The following GIN1 variants were observed in gnomAD, a reference collection of about 807,000 sequenced individuals.
GIN1 encodes the protein gypsy retrotransposon integrase 1, also known as gypsy retrotransposon integrase-like protein 1.
Under a neutral mutation model 51.4 loss-of-function variants are expected in GIN1, and 41 were observed. That is an observed-to-expected ratio of 0.80 (90% CI 0.62 to 1.04). The LOEUF (loss-of-function observed/expected upper bound fraction) is 1.04. Ranked by LOEUF, GIN1 falls within the 50% of genes least tolerant of loss-of-function variation. The pLI is 0.00. For missense variants in GIN1, 610 were observed against 612.4 expected (o/e 1.00, Z 0.04); for synonymous variants, 222 against 206.5 (o/e 1.07, Z -0.64).
In GIN1 at chr5:103,088,009, T is replaced by C. The variant is rs782079136; in HGVS notation, c.1458A>G (p.Leu486=). 2 of 1,604,706 alleles carry C rather than the reference T, an allele frequency of 1.2e-6. No individual in the cohort carries two copies. Among genetic ancestry groups the C allele is most frequent in the Admixed American group, 1.7e-5 (1 of 60,002 alleles). The change falls in exon 8 of 8, where the codon TTA becomes TTG. Residue 486 remains leucine (L), a synonymous_variant. Coordinates refer to ENST00000399004, the MANE Select transcript of GIN1 (RefSeq NM_017676.2). The part of the protein sequence containing the change: ...LLTSSKDREL[L]EYRNTKISPL... ...GAGAGATTTTCGTATTTCTATATTC[T>C]AATAGTTCACGATCCTTGCTTGATG...
At chr5:103,119,458 C>T (rs1554198092) in intron 1 of GIN1, among the ~76,000 whole-genome samples, 1 of 152,180 alleles carries the variant, frequency 6.6e-6, no homozygotes, top group East Asian at 1.9e-4. Flanking sequence ...TATGCATTCA[C>T]ATGAAGCCAC....
intron 4 of GIN1, among the ~76,000 whole-genome samples, chr5:103,101,757 T>G (rs1448038236): frequency 6.6e-6 from 1 of 152,240 alleles, no homozygotes; most frequent in Non-Finnish European, 1.5e-5. Flanking sequence ...ACATAGCATG[T>G]GTGACATACA....
At chr5:103,115,928 T>C (rs1554197340) in intron 1 of GIN1, among the ~76,000 whole-genome samples, 1 of 152,108 alleles carries the variant, frequency 6.6e-6, no homozygotes, top group Non-Finnish European at 1.5e-5. Context: ...ATAGTGAATA[T>C]AACCATGGAA....
intron 7 of GIN1, among the ~76,000 whole-genome samples, chr5:103,092,921 G>T (rs1174102183): frequency 7.5e-6 from 1 of 132,470 alleles, no homozygotes; most frequent in Non-Finnish European, 1.5e-5. Context: ...ACTCCAGCAC[G>T]GGCAACCATG....
rs147753436 is a variant in GIN1 at position 103,110,340 on chromosome 5, T to C, written c.-7-1626A>G. 4.9e-3 allele frequency among the ~76,000 whole-genome samples: 746 copies of C among 152,148 alleles called. 6 individuals carry two copies. The highest frequency in any genetic ancestry group is 0.018 in the African/African-American group (729 of 41,536). On this transcript the variant is annotated intron_variant, in intron 1 of 7. Coordinates refer to ENST00000399004, the MANE Select transcript of GIN1 (RefSeq NM_017676.2). ...TGGGAGAAGATATCTGTAATACATA[T>C]ATCTAACAAAGGACTCAGACCCAGT...
rs116200508 is a variant in GIN1, at chr5:103,093,866, C to A, written c.1294+2675G>T. Among the ~76,000 whole-genome samples, 1,447 of 152,232 alleles carry A rather than the reference C, an allele frequency of 9.5e-3. 9 individuals carry two copies. Among genetic ancestry groups the A allele is most frequent in the Non-Finnish European group, 0.015 (1,027 of 68,018 alleles). On this transcript the variant is annotated intron_variant, in intron 7 of 7. Coordinates refer to ENST00000399004, the MANE Select transcript of GIN1 (RefSeq NM_017676.2). The stretch of plus-strand genomic sequence containing the variant: ...TGAACTAGACAAAAAAACAAACAGG[C>A]CTGCTTAAAATAGCAATGAAAAATA...
At chr5:103,109,355 A>T (rs1377383090) in intron 1 of GIN1, among the ~76,000 whole-genome samples, 3 of 152,064 alleles carry the variant, frequency 2.0e-5, no homozygotes, top group African/African-American at 7.2e-5. Flanking sequence ...AATTACATTT[A>T]AAAAAAGATG....
chr5:103,116,514 TACA>T (rs1554197389), intron 1 of GIN1, among the ~76,000 whole-genome samples: 1 of 152,062 alleles, frequency 6.6e-6, no homozygotes, highest in Non-Finnish European at 1.5e-5. Flanking sequence ...CTTAAAACTA[TACA>T]ACTTCTCGAA....
chr5:103,100,204 G>C (rs782815415), intron 4 of GIN1, among the ~76,000 whole-genome samples: 4 of 150,488 alleles, frequency 2.7e-5, no homozygotes, highest in Admixed American at 2.6e-4. Context: ...GGGCTCAAGC[G>C]ATCTTCCCAT....
rs186181946 is a variant in GIN1, at chr5:103,097,212, T to C, written c.1008+102A>G. On this transcript the variant is annotated intron_variant, in intron 6 of 7. Transcript: ENST00000399004. ...GATAAAAAATTATGGCAAGTAAGTA[T>C]GTGTGTGTGTGTGCATGCACACATG... The C allele has an allele frequency of 4.8e-5, 29 of 598,192 alleles. No homozygotes were observed. In the African/African-American group the frequency reaches 5.2e-4, roughly 11 times the overall value. 37.1% of individuals were successfully genotyped at this position (598,192 alleles called of 1,614,324 possible).
At chr5:103,115,462 A>G (rs1201158043) in intron 1 of GIN1, among the ~76,000 whole-genome samples, 3 of 152,192 alleles carry the variant, frequency 2.0e-5, no homozygotes, top group East Asian at 3.8e-4. Context: ...TGAGGTAGTC[A>G]GAGTAGTCAA....
chr5:103,113,521 C>CTTTTT (rs368036001), intron 1 of GIN1, among the ~76,000 whole-genome samples: 1 of 132,546 alleles, frequency 7.5e-6, no homozygotes, highest in African/African-American at 2.8e-5. Flanking sequence ...AGTTCCACCT[C>CTTTTT]TTTTTTTTTT....
chr5:103,107,142 A>C (rs1484839358), intron 2 of GIN1, among the ~76,000 whole-genome samples: 2 of 152,064 alleles, frequency 1.3e-5, no homozygotes, highest in African/African-American at 4.8e-5. Context: ...TGTAGCTATC[A>C]ATATAAGTAG....
At chr5:103,100,203 C>G (rs1235792468) in intron 4 of GIN1, among the ~76,000 whole-genome samples, 1 of 151,622 alleles carries the variant, frequency 6.6e-6, no homozygotes, top group Non-Finnish European at 1.5e-5. Flanking sequence ...TGGGCTCAAG[C>G]GATCTTCCCA....
Position 103,097,445 on chromosome 5 carries a change from G to T in GIN1, c.877C>A (p.Pro293Thr). Residue 293 changes from proline (P) to threonine (T), a missense_variant, in exon 6 of 8, where the codon CCT becomes ACT. Pro to Thr is a conservative substitution (Grantham distance 38, BLOSUM62 -1). Transcript: ENST00000399004. The part of the protein sequence containing the change: ...TPYFQMFSRN[P>T]YMPETSDSLH... ...CTATCTGAAGTCTCAGGCATATAAG[G>T]ATTTCGACTAAACATTTGAAAATAT... 6.3e-7 allele frequency: 1 copy of T among 1,580,290 alleles called. No homozygotes were observed. Among genetic ancestry groups the T allele is most frequent in the African/African-American group, 1.3e-5 (1 of 74,168 alleles).
intron 1 of GIN1, among the ~76,000 whole-genome samples, chr5:103,112,256 C>G (rs1261629185): frequency 2.0e-5 from 3 of 152,114 alleles, no homozygotes; most frequent in African/African-American, 7.2e-5. Context: ...TTTCATATTT[C>G]ACAAATGCTT....
intron 4 of GIN1, among the ~76,000 whole-genome samples, chr5:103,100,907 T>G (rs1470515155): frequency 2.0e-5 from 3 of 152,178 alleles, no homozygotes; most frequent in Non-Finnish European, 4.4e-5. Flanking sequence ...TGAATTTTGA[T>G]GCCTAATTTC....
chr5:103,104,903 T>A, intron 3 of GIN1, 57 bp from the exon 4 acceptor site: 1 of 1,035,886 alleles, frequency 9.7e-7, no homozygotes, highest in African/African-American at 1.6e-5. Context: ...CAACACAATA[T>A]AAAAGCAGTC....
chr5:103,100,319 C>T (rs1309676943), intron 4 of GIN1, among the ~76,000 whole-genome samples: 3 of 151,948 alleles, frequency 2.0e-5, no homozygotes, highest in Non-Finnish European at 4.4e-5. Context: ...AGGCTAGTCT[C>T]GATCTCCTAG....
Sources: allele counts gnomAD v4.1 joint callset (sites outside exome capture counted in the v4.1 genomes callset), GRCh38; gene constraint gnomAD v4.1.1; transcripts MANE v1.5; gene names NCBI Gene and HGNC (gene_info 2026-07-23, HGNC 2026-07-21).